The following EYS variants were observed in gnomAD, a reference collection of about 807,000 sequenced individuals.
EYS encodes protein eyes shut homolog.
A neutral mutation model predicts 282.1 loss-of-function variants in EYS; 250 were observed. That is an observed-to-expected ratio of 0.89 (90% CI 0.80 to 0.98). The LOEUF (loss-of-function observed/expected upper bound fraction) is 0.98, where lower values mean the gene tolerates loss of function less well. Among genes scored for constraint, EYS ranks in the 50% least tolerant of loss-of-function variants. The probability of loss-of-function intolerance (pLI) is 0.00; values close to 1 mark genes in which losing one functional copy is unlikely to be tolerated. For synonymous variants in EYS, 1,355 were observed against 1,282.9 expected (o/e 1.06, Z -1.20); for missense variants, 4,016 against 3,709.0 (o/e 1.08, Z -2.15).
chr6:64,486,769 C>A (rs1201045158), intron 26 of EYS, among the ~76,000 whole-genome samples: 2 of 151,270 alleles, frequency 1.3e-5, no homozygotes, highest in Admixed American at 1.3e-4. Context: ...CAGCCTGTGG[C>A]TGCCTTCACA....
chr6:65,076,658 GCATAAATATATACA>G (rs1410693495), intron 12 of EYS, among the ~76,000 whole-genome samples: 1 of 150,336 alleles, frequency 6.7e-6, no homozygotes, highest in African/African-American at 2.4e-5. Flanking sequence ...CAATATATAT[GCATAAATATATACA>G]CATAAATATA....
intron 36 of EYS, among the ~76,000 whole-genome samples, chr6:63,847,432 AT>A (rs1241757793): frequency 8.6e-5 from 13 of 151,680 alleles, no homozygotes; most frequent in Admixed American, 6.6e-4. Flanking sequence ...CCTCCTTGCC[AT>A]CCCCTCTGTT....
chr6:64,382,304 G>A (rs1289244190), intron 29 of EYS, among the ~76,000 whole-genome samples: 1 of 152,008 alleles, frequency 6.6e-6, no homozygotes, highest in African/African-American at 2.4e-5. Context: ...AAATACTATA[G>A]CCTGAGAACT....
intron 29 of EYS, among the ~76,000 whole-genome samples, chr6:64,375,879 T>G (rs1772547140): frequency 6.6e-6 from 1 of 152,156 alleles, no homozygotes; most frequent in Non-Finnish European, 1.5e-5. Context: ...TGATACCAAA[T>G]CAATGCAAGA....
chr6:63,895,065 C>T (rs978272992), intron 35 of EYS, among the ~76,000 whole-genome samples: 6 of 151,852 alleles, frequency 4.0e-5, no homozygotes, highest in East Asian at 1.9e-4. Flanking sequence ...TGAGGCCCAC[C>T]GAGCCATTAT....
At chr6:65,162,743 T>G (rs1764879374) in intron 12 of EYS, among the ~76,000 whole-genome samples, 1 of 151,176 alleles carries the variant, frequency 6.6e-6, no homozygotes, top group Non-Finnish European at 1.5e-5. Flanking sequence ...CATTGGTGTT[T>G]AGGTGCTCTG....
chr6:65,219,699 T>C (rs1029035379), intron 12 of EYS, among the ~76,000 whole-genome samples: 2 of 152,070 alleles, frequency 1.3e-5, no homozygotes, highest in Non-Finnish European at 2.9e-5. Flanking sequence ...GATAAAGACA[T>C]GCAAGACTGG....
At chr6:64,017,018 T>C (rs1318116392) in intron 33 of EYS, among the ~76,000 whole-genome samples, 2 of 151,922 alleles carry the variant, frequency 1.3e-5, no homozygotes, top group Non-Finnish European at 2.9e-5. Flanking sequence ...CCGCATGTCC[T>C]TGGTCTTTTT....
chr6:64,809,743 G>A (rs552314067), intron 22 of EYS, among the ~76,000 whole-genome samples: 5 of 151,950 alleles, frequency 3.3e-5, no homozygotes, highest in Non-Finnish European at 5.9e-5. Context: ...AACACCATAC[G>A]TTCTCCATAT....
intron 29 of EYS, among the ~76,000 whole-genome samples, chr6:64,344,458 A>G (rs991088047): frequency 6.6e-6 from 1 of 152,106 alleles, no homozygotes; most frequent in African/African-American, 2.4e-5. Flanking sequence ...GACAAAAACC[A>G]CATGATTATC....
intron 22 of EYS, among the ~76,000 whole-genome samples, chr6:64,767,101 G>T (rs1053080453): frequency 6.8e-6 from 1 of 147,216 alleles, no homozygotes; most frequent in Non-Finnish European, 1.5e-5. Flanking sequence ...AGGTAAAATT[G>T]TATTTTTTCC....
intron 12 of EYS, among the ~76,000 whole-genome samples, chr6:65,090,240 A>G (rs1379255474): frequency 2.0e-5 from 3 of 152,088 alleles, no homozygotes; most frequent in African/African-American, 7.2e-5. Context: ...TGCAATTGTC[A>G]TGATAATGAG....
intron 26 of EYS, among the ~76,000 whole-genome samples, chr6:64,530,920 T>C (rs1468913752): frequency 1.3e-5 from 2 of 152,136 alleles, no homozygotes; most frequent in Admixed American, 6.5e-5. Flanking sequence ...TTATTCTACT[T>C]ATATTCATTT....
At chr6:65,461,206 C>T (rs1322359037) in intron 5 of EYS, among the ~76,000 whole-genome samples, 1 of 152,082 alleles carries the variant, frequency 6.6e-6, no homozygotes, top group African/African-American at 2.4e-5. Context: ...AAGGCTAAGA[C>T]CATTACCTCA....
At chr6:64,804,627 C>G (rs1156788963) in intron 22 of EYS, among the ~76,000 whole-genome samples, 1 of 151,944 alleles carries the variant, frequency 6.6e-6, no homozygotes, top group South Asian at 2.1e-4. Flanking sequence ...TCCTATGGAT[C>G]GTATATGCGC....
chr6:64,655,478 T>C (rs1768711772), intron 22 of EYS, among the ~76,000 whole-genome samples: 2 of 152,034 alleles, frequency 1.3e-5, no homozygotes, highest in Non-Finnish European at 2.9e-5. Context: ...TTAAGATCTA[T>C]CATTTTAGCC....
chr6:64,702,922 A>G (rs1417685436), intron 22 of EYS, among the ~76,000 whole-genome samples: 1 of 152,126 alleles, frequency 6.6e-6, no homozygotes, highest in African/African-American at 2.4e-5. Context: ...CACAAAAGAA[A>G]AATTTTTACT....
chr6:64,675,860 A>G (rs1769642974), intron 22 of EYS, among the ~76,000 whole-genome samples: 1 of 151,520 alleles, frequency 6.6e-6, no homozygotes, highest in Admixed American at 6.6e-5. Flanking sequence ...CTTAGTTACT[A>G]TTTGTAAAAG....
At chr6:64,804,911 CTATT>C (rs66465122) in intron 22 of EYS, among the ~76,000 whole-genome samples, 67,893 of 151,428 alleles carry the variant, frequency 0.45, 16,640 homozygotes, top group Admixed American at 0.63. Context: ...CTGCTAAAAT[CTATT>C]TATAAGAACT....
Sources: gnomAD v4.1 joint callset for allele counts (sites outside exome capture counted in the v4.1 genomes callset) on GRCh38, gnomAD v4.1.1 for gene constraint, MANE v1.5 for transcripts, NCBI Gene and HGNC (gene_info 2026-07-23, HGNC 2026-07-21) for gene names.